The following SYT9 variants were observed in gnomAD, a reference collection of about 807,000 sequenced individuals.
The protein encoded by SYT9 is synaptotagmin 9, also known as synaptotagmin-9.
SYT9 carries 22 observed loss-of-function variants against 48.4 expected under a neutral mutation model. The observed-to-expected ratio is 0.45, with a 90% CI of 0.32 to 0.65. The LOEUF is 0.65. Among genes scored for constraint, SYT9 ranks in the 30% least tolerant of loss-of-function variants. The pLI is 0.03. For missense variants in SYT9, 577 were observed against 622.0 expected (o/e 0.93, Z 0.77); for synonymous variants, 265 against 245.0 (o/e 1.08, Z -0.76).
chr11:7,360,840 G>T (rs1482585934), intron 3 of SYT9, among the ~76,000 whole-genome samples: 2 of 152,082 alleles, frequency 1.3e-5, no homozygotes, highest in African/African-American at 4.8e-5. Flanking sequence ...ATCTTAGAGG[G>T]CTTTTTGAGG....
intron 3 of SYT9, among the ~76,000 whole-genome samples, chr11:7,332,978 A>G (rs1463765584): frequency 6.6e-6 from 1 of 152,236 alleles, no homozygotes; most frequent in East Asian, 1.9e-4. Flanking sequence ...CAGTTTCCTG[A>G]CAGAAAGCCT....
chr11:7,398,993 G>A (rs775090060), intron 3 of SYT9, among the ~76,000 whole-genome samples: 2 of 152,064 alleles, frequency 1.3e-5, no homozygotes, highest in African/African-American at 4.8e-5. Flanking sequence ...TCCATATAGG[G>A]CCAAGACATA....
At chr11:7,316,011 T>A (rs888507387) in intron 3 of SYT9, among the ~76,000 whole-genome samples, 3 of 151,926 alleles carry the variant, frequency 2.0e-5, no homozygotes, top group African/African-American at 7.2e-5. Flanking sequence ...ACAGGCTATT[T>A]CATAGTCTGC....
chr11:7,266,889 G>T (rs749627144), intron 1 of SYT9, among the ~76,000 whole-genome samples: 5 of 152,060 alleles, frequency 3.3e-5, no homozygotes, highest in Non-Finnish European at 7.4e-5. Context: ...GTCAGAAGAG[G>T]ATCAGAGTTA....
intron 3 of SYT9, among the ~76,000 whole-genome samples, chr11:7,339,781 T>C (rs181885752): frequency 1.3e-5 from 2 of 152,174 alleles, no homozygotes. Flanking sequence ...TCTAGCTGCC[T>C]TTAGCATTCT....
At chr11:7,282,491 C>G (rs1371364746) in intron 1 of SYT9, among the ~76,000 whole-genome samples, 1 of 152,154 alleles carries the variant, frequency 6.6e-6, no homozygotes, top group Non-Finnish European at 1.5e-5. Context: ...TGTGAGTTCA[C>G]AGAGACAGTC....
At chr11:7,297,233 A>AC (rs1564851759) in intron 1 of SYT9, among the ~76,000 whole-genome samples, 1 of 152,190 alleles carries the variant, frequency 6.6e-6, no homozygotes, top group Non-Finnish European at 1.5e-5. Context: ...GATTCTGCCT[A>AC]CCAAAATATG....
upstream of SYT9, among the ~76,000 whole-genome samples, chr11:7,247,598 C>CATATATACGTGTATATATAT: frequency 7.0e-6 from 1 of 142,356 alleles, no homozygotes; most frequent in Non-Finnish European, 1.5e-5. Flanking sequence ...TGTATATATA[C>CATATATACGTGTATATATAT]GTATATATAC....
At chr11:7,396,207 T>C (rs12806887) in intron 3 of SYT9, among the ~76,000 whole-genome samples, 8,808 of 152,248 alleles carry the variant, frequency 0.058, 343 homozygotes, top group South Asian at 0.087. Context: ...TCAAAGATTA[T>C]GCCCTCTGCA....
At chr11:7,421,560 C>G (rs1464790278) in intron 6 of SYT9, among the ~76,000 whole-genome samples, 1 of 152,188 alleles carries the variant, frequency 6.6e-6, no homozygotes, top group Non-Finnish European at 1.5e-5. Flanking sequence ...CTGGAGTCAA[C>G]CGGCCATCAT....
intron 3 of SYT9, among the ~76,000 whole-genome samples, chr11:7,354,433 T>C (rs1033889629): frequency 7.2e-5 from 11 of 152,218 alleles, no homozygotes; most frequent in Non-Finnish European, 1.5e-4. Flanking sequence ...CATCTGTTTT[T>C]TTCTCTAGTC....
intron 3 of SYT9, among the ~76,000 whole-genome samples, chr11:7,415,774 C>T (rs1250999533): frequency 2.6e-5 from 4 of 152,076 alleles, no homozygotes; most frequent in Admixed American, 6.5e-5. Context: ...ACAGGGCTGC[C>T]GGTGACTGGA....
rs202199041 is a variant in SYT9 at position 7,313,841 on chromosome 11, G to A, written c.944G>A (p.Arg315His). 188 of 1,614,010 alleles carry A rather than the reference G, an allele frequency of 1.2e-4. No individual in the cohort carries two copies. The highest frequency in any genetic ancestry group is 2.7e-4 in the East Asian group (12 of 44,892). The stretch of plus-strand genomic sequence containing the variant: ...GTGTACGACTTTGACAGGTTCTCTC[G>A]TCATGACTTAATCGGCCAAGTGGTG... ...FSVYDFDRFS[R>H]HDLIGQVVVD... The change falls in exon 3 of 7, where the codon CGT becomes CAT. Residue 315 changes from arginine (R) to histidine (H), a missense_variant. Arg to His is a conservative substitution (Grantham distance 29, BLOSUM62 0). Coordinates refer to ENST00000318881, the MANE Select transcript of SYT9 (RefSeq NM_175733.4).
intron 3 of SYT9, among the ~76,000 whole-genome samples, chr11:7,375,318 A>G (rs1165779576): frequency 6.6e-6 from 1 of 152,176 alleles, no homozygotes; most frequent in East Asian, 1.9e-4. Flanking sequence ...TGGTTACTAT[A>G]GCCTTGTGAT....
intron 1 of SYT9, among the ~76,000 whole-genome samples, chr11:7,240,191 G>T (rs78127360): frequency 0.054 from 8,143 of 152,156 alleles, 613 homozygotes; most frequent in African/African-American, 0.17. Context: ...TCCAAGTGGT[G>T]AGCTGTTGTC....
intron 1 of SYT9, among the ~76,000 whole-genome samples, chr11:7,258,541 A>G (rs1848019319): frequency 6.6e-6 from 1 of 152,132 alleles, no homozygotes; most frequent in Admixed American, 6.5e-5. Context: ...TTAAATCAAC[A>G]TTGATAGAAC....
intron 3 of SYT9, chr11:7,314,226 C>T: frequency 1.9e-6 from 1 of 538,142 alleles, no homozygotes; most frequent in Non-Finnish European, 3.5e-6. Flanking sequence ...GTTATCTGTC[C>T]TCCGTACCAC....
intron 1 of SYT9, among the ~76,000 whole-genome samples, chr11:7,268,297 G>T (rs1848228751): frequency 6.6e-6 from 1 of 151,802 alleles, no homozygotes. Flanking sequence ...TAAATATTTT[G>T]ATATAAAATT....
intron 2 of SYT9, among the ~76,000 whole-genome samples, chr11:7,308,793 A>G (rs1363472656): frequency 6.6e-6 from 1 of 151,980 alleles, no homozygotes; most frequent in African/African-American, 2.4e-5. Flanking sequence ...CCCATTTGAC[A>G]CTGCTTTGCA....
Sources: allele counts gnomAD v4.1 joint callset (sites outside exome capture counted in the v4.1 genomes callset), GRCh38; gene constraint gnomAD v4.1.1; transcripts MANE v1.5; gene names NCBI Gene and HGNC (gene_info 2026-07-23, HGNC 2026-07-21).